The following SYTL5 variants were observed in gnomAD, a reference collection of about 807,000 sequenced individuals.
SYTL5 encodes the protein synaptotagmin like 5, also known as synaptotagmin-like protein 5.
A neutral mutation model predicts 55.9 loss-of-function variants in SYTL5; 34 were observed. That is an observed-to-expected ratio of 0.61 (90% CI 0.46 to 0.81). The LOEUF is 0.81. Ranked by LOEUF, SYTL5 falls within the 30% of genes least tolerant of loss-of-function variation. The probability of loss-of-function intolerance (pLI) is 0.00; values close to 1 mark genes in which losing one functional copy is unlikely to be tolerated. For synonymous variants in SYTL5, 221 were observed against 188.7 expected (o/e 1.17, Z -1.40); for missense variants, 637 against 546.7 (o/e 1.17, Z -1.65).
chrX:38,126,168 G>A (rs1273780743), intron 16 of SYTL5, among the ~76,000 whole-genome samples: 4 of 111,651 alleles, frequency 3.6e-5, no homozygotes, highest in Non-Finnish European at 7.5e-5. Flanking sequence ...TGTTGAGGAA[G>A]GTCCTATCAC....
At chrX:37,959,581 T>C in the SYTL5 span, among the ~76,000 whole-genome samples, 68 of 111,775 alleles carry the variant, frequency 6.1e-4, no homozygotes, top group African/African-American at 2.2e-3. Context: ...TAAACAGACT[T>C]AAATGAGGAA....
chrX:37,976,200 T>C, the SYTL5 span, among the ~76,000 whole-genome samples: 1 of 112,844 alleles, frequency 8.9e-6, no homozygotes, highest in Non-Finnish European at 1.9e-5. Context: ...GCAAATGGCA[T>C]GTTCTTAGAT....
chrX:37,900,448 C>T, the SYTL5 span, among the ~76,000 whole-genome samples: 1 of 111,669 alleles, frequency 9.0e-6, no homozygotes, highest in South Asian at 3.7e-4. Context: ...GGAGAGTTGC[C>T]ATTCAAAATA....
chrX:38,108,662 G>C lies in SYTL5; in HGVS notation c.1397G>C (p.Arg466Thr). The C allele has an allele frequency of 8.3e-7, 1 of 1,202,222 alleles. No homozygotes were observed. Reference protein sequence around the residue: ...SRNNKRKTKIRTGTNPEFNET... With the variant: ...SRNNKRKTKITTGTNPEFNET... ...AACAACAAGCGTAAGACCAAAATCA[G>C]AACAGGCACCAATCCAGAATTCAAT... The change falls in exon 12 of 17, where the codon AGA becomes ACA. Residue 466 changes from arginine to threonine, a missense_variant. Arg to Thr is a moderately conservative substitution (Grantham distance 71, BLOSUM62 -1). Coordinates refer to ENST00000297875, the MANE Select transcript of SYTL5 (RefSeq NM_138780.3).
chrX:38,007,345 G>A (rs1934025662), intron 1 of SYTL5, among the ~76,000 whole-genome samples: 1 of 111,138 alleles, frequency 9.0e-6, no homozygotes, highest in East Asian at 2.8e-4. Flanking sequence ...ATGCATCAGG[G>A]TTTAAAAAAT....
the SYTL5 span, chrX:37,991,085 A>C: frequency 1.7e-6 from 2 of 1,211,482 alleles, no homozygotes; most frequent in Non-Finnish European, 2.2e-6. Flanking sequence ...GCAACACTTC[A>C]CAAGATAGGG....
chrX:38,116,857 G>A (rs1937501902), intron 13 of SYTL5, among the ~76,000 whole-genome samples: 3 of 112,361 alleles, frequency 2.7e-5, no homozygotes, highest in Non-Finnish European at 3.8e-5. Context: ...TTTGCAGAAA[G>A]GATTCTGCTA....
intron 1 of SYTL5, among the ~76,000 whole-genome samples, chrX:38,033,263 G>C (rs1168070946): frequency 3.6e-5 from 4 of 111,555 alleles, no homozygotes; most frequent in Non-Finnish European, 7.5e-5. Flanking sequence ...AGCTGCAAGA[G>C]TGGCGACGTG....
At chrX:37,993,565 C>T in the SYTL5 span, among the ~76,000 whole-genome samples, 1 of 112,390 alleles carries the variant, frequency 8.9e-6, no homozygotes, top group Non-Finnish European at 1.9e-5. Context: ...AATCGATTAA[C>T]TCGTGAGGAA....
intron 6 of SYTL5, among the ~76,000 whole-genome samples, chrX:38,081,036 G>A (rs1421510415): frequency 8.9e-6 from 1 of 112,495 alleles, no homozygotes; most frequent in Admixed American, 9.4e-5. Context: ...ATCTCTGAAA[G>A]TATGTACATT....
chrX:38,061,019 T>C (rs748104137), intron 3 of SYTL5, among the ~76,000 whole-genome samples: 2 of 111,940 alleles, frequency 1.8e-5, no homozygotes, highest in Admixed American at 1.9e-4. Context: ...GAATAAAAAA[T>C]GGTCTATCTT....
chrX:38,072,402 C>T (rs1208854082), intron 4 of SYTL5, among the ~76,000 whole-genome samples: 1 of 112,228 alleles, frequency 8.9e-6, no homozygotes, highest in African/African-American at 3.2e-5. Flanking sequence ...TTCAAAGAAA[C>T]CATTTGTCTC....
chrX:37,907,266 T>C, the SYTL5 span, among the ~76,000 whole-genome samples: 1 of 112,030 alleles, frequency 8.9e-6, no homozygotes, highest in South Asian at 3.8e-4. Context: ...TTGTCTTGCT[T>C]TGTGGGAGAG....
chrX:37,976,825 G>T, the SYTL5 span, among the ~76,000 whole-genome samples: 1 of 107,345 alleles, frequency 9.3e-6, no homozygotes, highest in Non-Finnish European at 1.9e-5. Flanking sequence ...AAAGAGCTAG[G>T]TGTGGTGGTG....
At chrX:37,937,639 A>G in the SYTL5 span, among the ~76,000 whole-genome samples, 2 of 112,120 alleles carry the variant, frequency 1.8e-5, no homozygotes, top group East Asian at 5.6e-4. Context: ...GGCCTACACA[A>G]CTGTGAGGTA....
the SYTL5 span, among the ~76,000 whole-genome samples, chrX:37,987,331 A>G: frequency 1.8e-5 from 2 of 112,326 alleles, no homozygotes; most frequent in African/African-American, 6.5e-5. Context: ...CTTTTTTACC[A>G]GGAACAGCCT....
intron 13 of SYTL5, among the ~76,000 whole-genome samples, chrX:38,116,107 T>C (rs1937483499): frequency 8.9e-6 from 1 of 112,096 alleles, no homozygotes; most frequent in Non-Finnish European, 1.9e-5. Flanking sequence ...TTTGAGTTGA[T>C]TTTTGTATAT....
chrX:37,899,524 A>AGCTGAAAATGCTC, the SYTL5 span, among the ~76,000 whole-genome samples: 25 of 112,334 alleles, frequency 2.2e-4, no homozygotes, highest in Non-Finnish European at 3.8e-4. Context: ...AGATTCAGTG[A>AGCTGAAAATGCTC]GCTGAAAATG....
intron 15 of SYTL5, among the ~76,000 whole-genome samples, chrX:38,123,049 T>C (rs1449902969): frequency 8.9e-6 from 1 of 112,562 alleles, no homozygotes; most frequent in Non-Finnish European, 1.9e-5. Context: ...GGCAATATTG[T>C]TCCTCTTCAC....
Sources: allele counts gnomAD v4.1 joint callset (sites outside exome capture counted in the v4.1 genomes callset), GRCh38; gene constraint gnomAD v4.1.1; transcripts MANE v1.5; gene names NCBI Gene and HGNC (gene_info 2026-07-23, HGNC 2026-07-21).